Variants in XPR1 observed in about 807,000 individuals in gnomAD.
XPR1 encodes xenotropic and polytropic retrovirus receptor 1.
In XPR1, 28 loss-of-function variants were observed where a neutral mutation model predicts 87.5. That is an observed-to-expected ratio of 0.32 (90% CI 0.24 to 0.44). XPR1 has a LOEUF of 0.44. Ranked by LOEUF, XPR1 falls within the 20% of genes least tolerant of loss-of-function variation. The pLI is 1.00. For synonymous variants in XPR1, 300 were observed against 306.1 expected (o/e 0.98, Z 0.21); for missense variants, 559 against 862.3 (o/e 0.65, Z 4.41).
intron 6 of XPR1, among the ~76,000 whole-genome samples, chr1:180,807,067 G>A (rs1464578508): frequency 6.6e-6 from 1 of 151,508 alleles, no homozygotes; most frequent in African/African-American, 2.4e-5. Flanking sequence ...CTAATGAAAG[G>A]CATCTATTAA....
chr1:180,836,378 G>C, intron 10 of XPR1, 144 bp from the exon 11 acceptor site: 1 of 843,692 alleles, frequency 1.2e-6, no homozygotes, highest in Admixed American at 2.9e-5. Context: ...AGAAAATCTT[G>C]AGAATATAAT....
chr1:180,645,555 C>T (rs1203080914), intron 1 of XPR1, among the ~76,000 whole-genome samples: 2 of 152,180 alleles, frequency 1.3e-5, no homozygotes, highest in Non-Finnish European at 2.9e-5. Flanking sequence ...CAGAAATATG[C>T]TGCTAGTGGT....
At chr1:180,642,057 A>G (rs1654978324) in intron 1 of XPR1, among the ~76,000 whole-genome samples, 1 of 152,200 alleles carries the variant, frequency 6.6e-6, no homozygotes, top group African/African-American at 2.4e-5. Flanking sequence ...CAATTAAAAG[A>G]CTGGGTAAAT....
intron 11 of XPR1, among the ~76,000 whole-genome samples, chr1:180,857,847 C>T (rs750765904): frequency 6.6e-6 from 1 of 152,082 alleles, no homozygotes; most frequent in Non-Finnish European, 1.5e-5. Context: ...ATAAATAATG[C>T]AGGTTATAGT....
chr1:180,862,479 CTAT>C (rs543740974), intron 11 of XPR1, among the ~76,000 whole-genome samples: 139 of 152,198 alleles, frequency 9.1e-4, no homozygotes, highest in Non-Finnish European at 1.7e-3. Context: ...TTTTGCAATA[CTAT>C]TTATTTATCC....
intron 2 of XPR1, among the ~76,000 whole-genome samples, chr1:180,782,972 A>G (rs1315455117): frequency 6.6e-6 from 1 of 151,988 alleles, no homozygotes; most frequent in African/African-American, 2.4e-5. Context: ...TGATTCTCCA[A>G]TTCAGAGTTA....
chr1:180,790,720 T>G (rs1268117225), intron 3 of XPR1, among the ~76,000 whole-genome samples: 1 of 152,030 alleles, frequency 6.6e-6, no homozygotes, highest in Non-Finnish European at 1.5e-5. Flanking sequence ...TTTTTATATT[T>G]TTAGTAGAGA....
intron 2 of XPR1, among the ~76,000 whole-genome samples, chr1:180,751,136 C>G (rs1015153075): frequency 2.6e-4 from 40 of 152,118 alleles, no homozygotes; most frequent in Non-Finnish European, 4.3e-4. Flanking sequence ...TTCACTTACT[C>G]TAGAAGTGCT....
chr1:180,887,348 A>G lies in XPR1; in HGVS notation c.*3282A>G, dbSNP rs939987533. ...AAAGGAATGAAGAGGAAGTCTAAAT[A>G]AATGAATAAAACTCATTTTTCATTT... On this transcript the variant is annotated 3_prime_UTR_variant, in exon 15 of 15. Transcript: ENST00000367590. The G allele has an allele frequency of 6.6e-6, 1 of 152,248 alleles. No individual in the cohort carries two copies. Among genetic ancestry groups the G allele is most frequent in the Non-Finnish European group, 1.5e-5 (1 of 68,044 alleles). The allele number at this position is 152,248 out of a possible 1,614,324, so 9.4% of individuals were successfully genotyped here. A position where few individuals can be genotyped will look rare whatever the true frequency, so the allele number is the denominator to read the frequency against.
intron 6 of XPR1, among the ~76,000 whole-genome samples, chr1:180,811,149 T>C (rs1267556542): frequency 6.6e-6 from 1 of 152,184 alleles, no homozygotes; most frequent in African/African-American, 2.4e-5. Context: ...CCACATACTA[T>C]AATTTAATGC....
intron 1 of XPR1, among the ~76,000 whole-genome samples, chr1:180,678,256 G>A (rs1423167058): frequency 6.6e-6 from 1 of 152,206 alleles, no homozygotes; most frequent in South Asian, 2.1e-4. Context: ...TTCTATTAGT[G>A]ATTGAACTCA....
At chr1:180,718,731 C>T (rs1040090354) in intron 2 of XPR1, among the ~76,000 whole-genome samples, 7 of 149,814 alleles carry the variant, frequency 4.7e-5, no homozygotes, top group Non-Finnish European at 8.8e-5. Flanking sequence ...TGCAGTGGCG[C>T]AATCTCGGCT....
At chr1:180,657,954 T>G (rs780749583) in intron 1 of XPR1, among the ~76,000 whole-genome samples, 1 of 152,176 alleles carries the variant, frequency 6.6e-6, no homozygotes, top group African/African-American at 2.4e-5. Context: ...ATGTGTGTCC[T>G]CTTTAGTTTC....
intron 1 of XPR1, among the ~76,000 whole-genome samples, chr1:180,660,873 A>G (rs1380587049): frequency 2.0e-5 from 3 of 152,222 alleles, no homozygotes; most frequent in Non-Finnish European, 4.4e-5. Flanking sequence ...TTTGGTCTGT[A>G]GTGCAGATTA....
chr1:180,664,251 G>T (rs989382688), intron 1 of XPR1, among the ~76,000 whole-genome samples: 2 of 152,110 alleles, frequency 1.3e-5, no homozygotes, highest in Non-Finnish European at 1.5e-5. Context: ...CGGCTTACAC[G>T]TGAAGCCAGC....
chr1:180,836,440 T>A, intron 10 of XPR1, 82 bp from the exon 11 acceptor site: 1 of 1,483,562 alleles, frequency 6.7e-7, no homozygotes, highest in Non-Finnish European at 9.2e-7. Flanking sequence ...TTAGACTTGG[T>A]ATTAGCTACA....
In XPR1 at chr1:180,863,788, TG is replaced by T; in HGVS notation, c.1585del (p.Asp529IlefsTer35). Reference sequence around the variant, plus strand: ...CATCAGTTCCTGCTATACCCTCATCTGGGATCTCAAGATGGACTGGGGTCTC... The same window carrying T: ...CATCAGTTCCTGCTATACCCTCATCTGGATCTCAAGATGGACTGGGGTCTC... ...YIISSCYTLI[W>X]DLKMDWGLFD... On this transcript the variant is annotated frameshift_variant, in exon 12 of 15. Transcript: ENST00000367590. LOFTEE classifies it high-confidence loss of function. 6.2e-7 allele frequency: 1 copy of T among 1,612,110 alleles called. No homozygotes were observed. The highest frequency in any genetic ancestry group is 8.5e-7 in the Non-Finnish European group (1 of 1,179,108).
rs998306615 is a variant in XPR1, at chr1:180,880,258, A to G, written c.1991A>G (p.Asn664Ser). The G allele has an allele frequency of 6.2e-6, 10 of 1,614,082 alleles. No individual in the cohort carries two copies. In the African/African-American group the frequency reaches 1.2e-4, roughly 19 times the overall value. The change falls in exon 14 of 15, where the codon AAC becomes AGC. Residue 664 changes from asparagine to serine, a missense_variant. Asn to Ser is a conservative substitution (Grantham distance 46). This residue lies in a region of XPR1 where 80 missense variants were observed against 99.5 expected (regional missense o/e 0.80). Transcript: ENST00000367590. ...NRQKNRSWKY[N>S]QSISLRRPRL... ...CAGAAGAATCGGTCATGGAAGTACAACCAGAGCATATCCCTGCGCCGGCCT... is the reference window on the plus strand; with the variant it reads ...CAGAAGAATCGGTCATGGAAGTACAGCCAGAGCATATCCCTGCGCCGGCCT...
intron 9 of XPR1, among the ~76,000 whole-genome samples, chr1:180,826,668 T>C (rs987329049): frequency 6.6e-6 from 1 of 152,176 alleles, no homozygotes; most frequent in African/African-American, 2.4e-5. Context: ...AATTGACCAA[T>C]CTCTATAAAA....
Sources: gnomAD v4.1 joint callset for allele counts (sites outside exome capture counted in the v4.1 genomes callset) on GRCh38, gnomAD v4.1.1 for gene constraint, gnomAD v4.1.1 regional missense constraint, MANE v1.5 for transcripts, NCBI Gene and HGNC (gene_info 2026-07-23, HGNC 2026-07-21) for gene names.